Variants in AMZ2 observed in about 807,000 individuals in gnomAD.
The protein encoded by AMZ2 is archaemetzincin-2.
A neutral mutation model predicts 36.7 loss-of-function variants in AMZ2; 26 were observed. That is an observed-to-expected ratio of 0.71 (90% CI 0.52 to 0.98). The LOEUF is 0.98. Ranked by LOEUF, AMZ2 falls within the 50% of genes least tolerant of loss-of-function variation. The probability of loss-of-function intolerance (pLI) is 0.00; values close to 1 mark genes in which losing one functional copy is unlikely to be tolerated. For missense variants in AMZ2, 394 were observed against 430.5 expected, an observed-to-expected ratio of 0.92 and a Z score of 0.75; for synonymous variants, 144 against 149.1, an observed-to-expected ratio of 0.97 and a Z score of 0.25.
chr17:68,256,353 A>T (rs1216210060), intron 6 of AMZ2, among the ~76,000 whole-genome samples: 1 of 152,254 alleles, frequency 6.6e-6, no homozygotes, highest in African/African-American at 2.4e-5. Flanking sequence ...ACATCAATAT[A>T]CATTCATGTG....
chr17:68,236,397 A>G (rs1372548509), intron 1 of AMZ2, among the ~76,000 whole-genome samples: 1 of 151,944 alleles, frequency 6.6e-6, no homozygotes, highest in African/African-American at 2.4e-5. Context: ...AAATAAATGT[A>G]TTTTATATAG....
At chr17:68,209,899 G>A (rs988868580) in intron 1 of AMZ2, among the ~76,000 whole-genome samples, 1 of 151,752 alleles carries the variant, frequency 6.6e-6, no homozygotes, top group Admixed American at 6.6e-5. Flanking sequence ...GGGATTACAG[G>A]CTTGAGCCAC....
At chr17:68,221,207 G>C (rs1599302522) in intron 1 of AMZ2, among the ~76,000 whole-genome samples, 4 of 16,930 alleles carry the variant, frequency 2.4e-4, no homozygotes, top group African/African-American at 3.6e-4. Context: ...TCAGCCCTCA[G>C]CTCCCCCCCC....
intron 1 of AMZ2, among the ~76,000 whole-genome samples, chr17:68,208,393 G>A (rs1273974341): frequency 6.6e-6 from 1 of 152,184 alleles, no homozygotes; most frequent in Non-Finnish European, 1.5e-5. Flanking sequence ...CACCCTGTGT[G>A]TAGCTCAGGG....
chr17:68,216,564 C>T (rs1273997749), intron 1 of AMZ2, among the ~76,000 whole-genome samples: 1 of 152,114 alleles, frequency 6.6e-6, no homozygotes, highest in Non-Finnish European at 1.5e-5. Context: ...TTTTTCAGAA[C>T]GTATTTTATG....
intron 1 of AMZ2, among the ~76,000 whole-genome samples, chr17:68,237,542 A>G (rs2073816160): frequency 6.6e-6 from 1 of 152,160 alleles, no homozygotes; most frequent in Admixed American, 6.5e-5. Flanking sequence ...CCCCGTGCCT[A>G]AGTTAGCACC....
chr17:68,218,884 C>G (rs562724545), intron 1 of AMZ2, among the ~76,000 whole-genome samples: 8 of 152,314 alleles, frequency 5.3e-5, no homozygotes, highest in African/African-American at 1.9e-4. Context: ...ATCAGTTTCT[C>G]TCCATTCCCA....
upstream of AMZ2, among the ~76,000 whole-genome samples, chr17:68,245,387 G>GTCAC (rs2073980968): frequency 6.7e-6 from 1 of 150,228 alleles, no homozygotes; most frequent in African/African-American, 2.5e-5. Context: ...ACAGGCATGT[G>GTCAC]TCACTACACC....
intron 1 of AMZ2, among the ~76,000 whole-genome samples, chr17:68,229,232 C>T (rs543810104): frequency 6.6e-6 from 1 of 152,224 alleles, no homozygotes; most frequent in Admixed American, 6.5e-5. Context: ...GCACTGACAC[C>T]CCCACCTCAA....
intron 1 of AMZ2, among the ~76,000 whole-genome samples, chr17:68,220,782 CTTT>C (rs11298867): frequency 1.8e-4 from 24 of 131,778 alleles, no homozygotes; most frequent in Non-Finnish European, 2.5e-4. Flanking sequence ...TTTTCTTTCT[CTTT>C]TTTTTTTTTT....
chr17:68,252,448 T>G (rs73349698), intron 4 of AMZ2, among the ~76,000 whole-genome samples: 1 of 152,022 alleles, frequency 6.6e-6, no homozygotes, highest in Non-Finnish European at 1.5e-5. Context: ...TATCATAAGT[T>G]TTCTCTTTTA....
intron 1 of AMZ2, among the ~76,000 whole-genome samples, chr17:68,216,451 G>T (rs1555727260): frequency 6.6e-6 from 1 of 152,128 alleles, no homozygotes; most frequent in African/African-American, 2.4e-5. Flanking sequence ...CACTATTTTT[G>T]TCTGCATTTT....
chr17:68,225,908 C>T (rs557962481), intron 1 of AMZ2, among the ~76,000 whole-genome samples: 37 of 152,260 alleles, frequency 2.4e-4, no homozygotes, highest in Non-Finnish European at 4.1e-4. Context: ...ATAGCATGAG[C>T]CACTGCACCC....
chr17:68,247,996 C>CGGCGCGTGGCGTAAGGGGCGT (rs2074113261), upstream of AMZ2: 8 of 985,710 alleles, frequency 8.1e-6, no homozygotes, highest in Non-Finnish European at 7.2e-6. Context: ...CGCAGCGGCG[C>CGGCGCGTGGCGTAAGGGGCGT]GGCGCGTGGC....
At chr17:68,236,594 C>T (rs1347109146) in intron 1 of AMZ2, among the ~76,000 whole-genome samples, 1 of 102,242 alleles carries the variant, frequency 9.8e-6, no homozygotes, top group African/African-American at 4.0e-5. Context: ...TTTTTTGAGA[C>T]GGATTCTCAC....
chr17:68,209,606 ATATG>A lies in AMZ2; in HGVS notation c.-67+3372_-67+3375del, dbSNP rs1367912345. Among the ~76,000 whole-genome samples, 732 of 114,178 alleles carry A rather than the reference ATATG, an allele frequency of 6.4e-3. 8 individuals carry two copies. The highest frequency in any genetic ancestry group is 9.8e-3 in the East Asian group (34 of 3,468). 74.9% of individuals were successfully genotyped at this position (114,178 alleles called of 152,430 possible). A position where few individuals can be genotyped will look rare whatever the true frequency, so the allele number is the denominator to read the frequency against. On this transcript the variant is annotated intron_variant, in intron 1 of 7. Coordinates refer to the AMZ2 transcript ENST00000674770. ...GGTGTGTGTGTGTGTGTGTGTGTGT[ATATG>A]TATATATATATATATATATATATTT...
At chr17:68,227,873 C>A (rs1334427699) in intron 1 of AMZ2, among the ~76,000 whole-genome samples, 3 of 152,174 alleles carry the variant, frequency 2.0e-5, no homozygotes, top group Non-Finnish European at 4.4e-5. Context: ...TTAGGGCCCA[C>A]CCATGTAATC....
rs1224026974 is a variant in AMZ2 at position 68,231,444 on chromosome 17, A to C, written c.-66-17196A>C. Among the ~76,000 whole-genome samples, 11 of 42,830 alleles carry C rather than the reference A, an allele frequency of 2.6e-4. 3 individuals are homozygous for C. The highest frequency in any genetic ancestry group is 1.7e-3 in the Admixed American group (6 of 3,564). 28.1% of individuals were successfully genotyped at this position (42,830 alleles called of 152,430 possible). On this transcript the variant is annotated intron_variant, in intron 1 of 7. Coordinates refer to the AMZ2 transcript ENST00000674770. ...TAAGTTGGAATGAACAAAACTAGCC[A>C]TGAAATTGTGGCTTCTTGTATCCTA...
At chr17:68,239,270 GA>G (rs1555733520) in intron 1 of AMZ2, among the ~76,000 whole-genome samples, 2 of 152,104 alleles carry the variant, frequency 1.3e-5, no homozygotes, top group Admixed American at 6.6e-5. Flanking sequence ...CTAGTCCCTG[GA>G]TTGCAGCATC....
Sources: allele counts gnomAD v4.1 joint callset (sites outside exome capture counted in the v4.1 genomes callset), GRCh38; gene constraint gnomAD v4.1.1; transcripts MANE v1.5; gene names NCBI Gene and HGNC (gene_info 2026-07-23, HGNC 2026-07-21).